CRPPA: variants seen among roughly 807,000 people sequenced by gnomAD.
CRPPA encodes the protein D-ribitol-5-phosphate cytidylyltransferase.
A neutral mutation model predicts 52.0 loss-of-function variants in CRPPA; 43 were observed. The ratio of observed to expected loss-of-function variants is 0.83; its 90% CI spans 0.65 to 1.07. CRPPA has a LOEUF of 1.07. CRPPA is among the 50% of genes least tolerant of loss of function. The pLI is 0.00. For synonymous variants in CRPPA, 250 were observed against 203.5 expected (o/e 1.23, Z -1.94); for missense variants, 629 against 551.7 (o/e 1.14, Z -1.40).
chr7:16,175,433 A>T (rs1392333857), intron 9 of CRPPA, among the ~76,000 whole-genome samples: 2 of 152,118 alleles, frequency 1.3e-5, no homozygotes, highest in African/African-American at 4.8e-5. Flanking sequence ...GGGAGTGAAT[A>T]TCTATTTTAA....
intron 9 of CRPPA, among the ~76,000 whole-genome samples, chr7:16,164,344 G>A (rs147938393): frequency 0.014 from 2,102 of 152,228 alleles, 53 homozygotes; most frequent in African/African-American, 0.048. Flanking sequence ...CTTGTGCTGC[G>A]TTTTTCAGCT....
chr7:16,403,218 T>C (rs1005369200), intron 2 of CRPPA, among the ~76,000 whole-genome samples: 2 of 152,124 alleles, frequency 1.3e-5, no homozygotes, highest in Non-Finnish European at 2.9e-5. Flanking sequence ...ATAACCCTGA[T>C]GGAATTTTGC....
rs369753654 is a variant in CRPPA at position 16,383,192 on chromosome 7, C to G, written c.535-6951G>C. On this transcript the variant is annotated intron_variant, in intron 2 of 9. Transcript: ENST00000407010. ...TTTGGTGTGGATGTCCTTTCTGTTT[C>G]TTAGTTTTCCTTCTAACAGACAGGA... 9.4e-3 allele frequency among the ~76,000 whole-genome samples: 1,433 copies of G among 152,160 alleles called. 35 individuals are homozygous for G. The highest frequency in any genetic ancestry group is 0.079 in the East Asian group (407 of 5,156).
At chr7:16,289,229 G>A (rs893351785) in intron 5 of CRPPA, among the ~76,000 whole-genome samples, 6 of 151,926 alleles carry the variant, frequency 3.9e-5, no homozygotes, top group Non-Finnish European at 5.9e-5. Context: ...TCTCAAGAAC[G>A]AAAAGCCCAG....
intron 6 of CRPPA, among the ~76,000 whole-genome samples, chr7:16,271,681 C>A (rs141860230): frequency 6.6e-6 from 1 of 152,270 alleles, no homozygotes; most frequent in African/African-American, 2.4e-5. Context: ...AATACCACAT[C>A]TGCCAAGAGA....
intron 9 of CRPPA, chr7:16,209,290 T>TTTTA (rs1782063195): frequency 5.1e-6 from 1 of 197,648 alleles, no homozygotes; most frequent in African/African-American, 2.5e-5. Context: ...TTTTTTTTTT[T>TTTTA]GAGACGAGTC....
At chr7:16,389,851 T>C (rs1356801900) in intron 2 of CRPPA, among the ~76,000 whole-genome samples, 1 of 144,026 alleles carries the variant, frequency 6.9e-6, no homozygotes, top group Non-Finnish European at 1.5e-5. Context: ...ACTAATGAAG[T>C]GTCTTCTAAC....
chr7:16,331,031 G>A (rs984422702), intron 3 of CRPPA, among the ~76,000 whole-genome samples: 4 of 152,052 alleles, frequency 2.6e-5, no homozygotes, highest in East Asian at 1.9e-4. Flanking sequence ...ATGGAGTCTC[G>A]CTCTGACGCC....
At chr7:16,297,379 A>G (rs1467264310) in intron 5 of CRPPA, among the ~76,000 whole-genome samples, 1 of 152,180 alleles carries the variant, frequency 6.6e-6, no homozygotes, top group East Asian at 1.9e-4. Context: ...AAAAACAATG[A>G]TATAGTGATA....
intron 8 of CRPPA, among the ~76,000 whole-genome samples, chr7:16,236,952 A>G (rs34854028): frequency 0.017 from 2,446 of 146,412 alleles, 30 homozygotes; most frequent in Non-Finnish European, 0.027. Context: ...GTGCGCGCGC[A>G]CACACACACA....
At chr7:16,189,501 G>C (rs1781566149) in intron 9 of CRPPA, among the ~76,000 whole-genome samples, 1 of 152,168 alleles carries the variant, frequency 6.6e-6, no homozygotes, top group Non-Finnish European at 1.5e-5. Flanking sequence ...AGTTGAGCAA[G>C]AGCTACCACA....
intron 9 of CRPPA, among the ~76,000 whole-genome samples, chr7:16,214,941 G>A (rs1267343980): frequency 6.6e-6 from 1 of 152,092 alleles, no homozygotes; most frequent in Non-Finnish European, 1.5e-5. Flanking sequence ...TTAACATTTT[G>A]CAATTCCATT....
intron 8 of CRPPA, among the ~76,000 whole-genome samples, chr7:16,241,973 G>GTTTTTTTT (rs1249826023): frequency 1.0e-4 from 11 of 106,576 alleles, no homozygotes; most frequent in Non-Finnish European, 1.7e-4. Context: ...TTTTTTGTTG[G>GTTTTTTTT]GGGGAGATAG....
At chr7:16,416,336 A>AC (rs1328611204) in intron 1 of CRPPA, among the ~76,000 whole-genome samples, 1 of 152,094 alleles carries the variant, frequency 6.6e-6, no homozygotes, top group Non-Finnish European at 1.5e-5. Flanking sequence ...ATAAAACTGG[A>AC]CCCCTACCTC....
intron 9 of CRPPA, among the ~76,000 whole-genome samples, chr7:16,188,994 A>C (rs1781556500): frequency 1.3e-5 from 2 of 152,300 alleles, no homozygotes; most frequent in Middle Eastern, 3.4e-3. Context: ...AGAAAAAAAT[A>C]ACTTAAATGC....
At position 16,311,217 on chromosome 7, in the gene CRPPA, C is replaced by T. The variant is rs147574863; in HGVS notation, c.685-2590G>A. Among the ~76,000 whole-genome samples, 21 of 152,168 alleles carry T rather than the reference C, an allele frequency of 1.4e-4. No homozygotes were observed. The East Asian group carries it at 3.9e-3, about 28-fold the overall frequency. ...CAAAGCCCGTAGTTTAATTACGACC[C>T]ATGCATTGTATTATACATTCTATGA... On this transcript the variant is annotated intron_variant, in intron 3 of 9. Transcript: ENST00000407010.
chr7:16,329,534 G>C (rs1279001946), intron 3 of CRPPA, among the ~76,000 whole-genome samples: 1 of 151,952 alleles, frequency 6.6e-6, no homozygotes, highest in African/African-American at 2.4e-5. Flanking sequence ...TCAAATATTT[G>C]ACTAAGAAAC....
rs146691010 is a variant in CRPPA, at chr7:16,281,071, C to T, written c.836-2845G>A. 3.0e-3 allele frequency among the ~76,000 whole-genome samples: 450 copies of T among 152,196 alleles called. 4 individuals are homozygous for T. Among genetic ancestry groups the T allele is most frequent in the Non-Finnish European group, 3.0e-3 (205 of 67,996 alleles). On this transcript the variant is annotated intron_variant, in intron 5 of 9. Transcript: ENST00000407010. ...TTATCCTATGCCATGTTTCAGTTAC[C>T]CTAAATAGAACACATTTGTTGTTTA... is the stretch of plus-strand genomic sequence containing the variant.
At chr7:16,234,364 C>T (rs757279166) in intron 8 of CRPPA, among the ~76,000 whole-genome samples, 1 of 152,012 alleles carries the variant, frequency 6.6e-6, no homozygotes, top group Non-Finnish European at 1.5e-5. Context: ...AAGACATAAG[C>T]AGTCATTTAT....
Sources: gnomAD v4.1 joint callset for allele counts (sites outside exome capture counted in the v4.1 genomes callset) on GRCh38, gnomAD v4.1.1 for gene constraint, MANE v1.5 for transcripts, NCBI Gene and HGNC (gene_info 2026-07-23, HGNC 2026-07-21) for gene names.